The following PRSS12 variants were observed in gnomAD, a reference collection of about 807,000 sequenced individuals.
PRSS12 encodes serine protease 12.
In PRSS12, 85 loss-of-function variants were observed where a neutral mutation model predicts 104.4. The ratio of observed to expected loss-of-function variants is 0.81; its 90% CI spans 0.68 to 0.98. The LOEUF (loss-of-function observed/expected upper bound fraction) is 0.98. PRSS12 is among the 50% of genes least tolerant of loss of function. PRSS12 has a pLI of 0.00. For synonymous variants in PRSS12, 454 were observed against 425.2 expected, an observed-to-expected ratio of 1.07 and a Z score of -0.83; for missense variants, 1,141 against 1,139.2, an observed-to-expected ratio of 1.00 and a Z score of -0.02.
chr4:118,336,871 C>T (rs548387470), intron 2 of PRSS12, among the ~76,000 whole-genome samples: 1 of 152,254 alleles, frequency 6.6e-6, no homozygotes, highest in East Asian at 1.9e-4. Context: ...AATCATCATT[C>T]TTTGTGACCT....
At chr4:118,311,167 T>C (rs1743713096) in intron 7 of PRSS12, among the ~76,000 whole-genome samples, 1 of 152,162 alleles carries the variant, frequency 6.6e-6, no homozygotes. Context: ...CTCTGAACTT[T>C]AGAATTAATG....
rs1181973142 is a variant in PRSS12, at chr4:118,352,322, C to A, written c.399G>T (p.Gln133His). The change falls in exon 1 of 13, where the codon CAG becomes CAT. Residue 133 changes from glutamine (Q) to histidine (H), a missense_variant. By Grantham distance (24) the Gln-to-His change is conservative. Transcript: ENST00000296498. ...PPASWAQLRGQRHNFCRSPDG... is the reference protein window; with the variant it reads ...PPASWAQLRGHRHNFCRSPDG... ...CGGGGCTCCGACAAAAGTTGTGGCG[C>A]TGTCCTCGCAGCTGAGCCCAGCTCG... is the stretch of plus-strand genomic sequence containing the variant. 6.3e-7 allele frequency: 1 copy of A among 1,593,578 alleles called. No individual in the cohort carries two copies.
At chr4:118,289,967 T>C (rs1743093765) in intron 11 of PRSS12, among the ~76,000 whole-genome samples, 1 of 152,212 alleles carries the variant, frequency 6.6e-6, no homozygotes, top group African/African-American at 2.4e-5. Context: ...ATGGAAGGAA[T>C]TATCTGTTGA....
intron 8 of PRSS12, among the ~76,000 whole-genome samples, chr4:118,304,177 T>C (rs904842620): frequency 2.6e-5 from 4 of 151,952 alleles, no homozygotes; most frequent in Non-Finnish European, 5.9e-5. Flanking sequence ...TGTATGTGTG[T>C]ATGTGTGCAT....
At chr4:118,341,512 G>A (rs1485881876) in intron 1 of PRSS12, among the ~76,000 whole-genome samples, 10 of 151,884 alleles carry the variant, frequency 6.6e-5, no homozygotes, top group African/African-American at 2.2e-4. Context: ...GAGAAACCCC[G>A]TCTCTACTAA....
chr4:118,314,764 T>C (rs1743861486), intron 6 of PRSS12, among the ~76,000 whole-genome samples: 1 of 152,062 alleles, frequency 6.6e-6, no homozygotes, highest in Non-Finnish European at 1.5e-5. Flanking sequence ...TGCATAGATT[T>C]GTGAAACAAA....
chr4:118,298,092 C>T (rs542831721), intron 9 of PRSS12, among the ~76,000 whole-genome samples: 1 of 148,416 alleles, frequency 6.7e-6, no homozygotes, highest in Non-Finnish European at 1.5e-5. Context: ...GAGTCAAGAT[C>T]GTGCCACTGC....
intron 5 of PRSS12, among the ~76,000 whole-genome samples, chr4:118,316,835 A>AT (rs1553956369): frequency 7.8e-4 from 27 of 34,538 alleles, no homozygotes; most frequent in African/African-American, 1.8e-3. Flanking sequence ...GAAAAAAAAA[A>AT]AAATATATAT....
intron 9 of PRSS12, among the ~76,000 whole-genome samples, chr4:118,296,634 G>C (rs925910643): frequency 2.6e-5 from 4 of 152,044 alleles, no homozygotes; most frequent in Non-Finnish European, 4.4e-5. Flanking sequence ...TTCTATCTAA[G>C]AGGAGGAGGG....
In PRSS12 at chr4:118,281,858, C is replaced by A; in HGVS notation, c.*78G>T. 2.5e-6 allele frequency: 2 copies of A among 802,772 alleles called. No individual in the cohort carries two copies. The highest frequency in any genetic ancestry group is 2.7e-5 in the South Asian group (2 of 74,434). 49.7% of individuals were successfully genotyped at this position (802,772 alleles called of 1,614,324 possible). ...AAAAACAGATCTTGCCATTTGTTGT[C>A]ATCTCTGCTGAGTGCTAATAGTGGG... On this transcript the variant is annotated 3_prime_UTR_variant, in exon 13 of 13. Transcript: ENST00000296498.
At chr4:118,307,512 T>C (rs180866626) in intron 8 of PRSS12, among the ~76,000 whole-genome samples, 44 of 152,338 alleles carry the variant, frequency 2.9e-4, no homozygotes, top group Non-Finnish European at 2.9e-4. Context: ...ATATACATAT[T>C]ATCTTAAATT....
At chr4:118,348,978 G>T (rs1230975169) in intron 1 of PRSS12, among the ~76,000 whole-genome samples, 2 of 151,894 alleles carry the variant, frequency 1.3e-5, no homozygotes, top group African/African-American at 2.4e-5. Flanking sequence ...GTATTAATTT[G>T]CAAGTTTCAT....
At chr4:118,332,251 T>A (rs575377790) in intron 3 of PRSS12, among the ~76,000 whole-genome samples, 1 of 152,230 alleles carries the variant, frequency 6.6e-6, no homozygotes, top group Non-Finnish European at 1.5e-5. Context: ...TATGTCATTA[T>A]TAAGAATGAC....
chr4:118,300,886 G>GT (rs1337410534), intron 8 of PRSS12, among the ~76,000 whole-genome samples: 1 of 151,934 alleles, frequency 6.6e-6, no homozygotes, highest in Admixed American at 6.6e-5. Flanking sequence ...ATCAAACTTT[G>GT]GCAAAGAAAA....
In PRSS12 at chr4:118,335,206, T is replaced by TAA. The variant is rs537381854; in HGVS notation, c.820+265_820+266dup. ...TACAATATATTATACAGTATATATA[T>TAA]AACCTATAGAATATACATATTTATT... On this transcript the variant is annotated intron_variant, in intron 3 of 12. Coordinates refer to ENST00000296498, the MANE Select transcript of PRSS12 (RefSeq NM_003619.4). 1.7e-3 allele frequency among the ~76,000 whole-genome samples: 256 copies of TAA among 152,112 alleles called. 1 individual carries two copies. The highest frequency in any genetic ancestry group is 0.01 in the Middle Eastern group (3 of 294).
chr4:118,349,135 C>T (rs1724429391), intron 1 of PRSS12, among the ~76,000 whole-genome samples: 1 of 152,118 alleles, frequency 6.6e-6, no homozygotes, highest in Non-Finnish European at 1.5e-5. Flanking sequence ...CACCAACTTC[C>T]TCATTTTTCT....
At chr4:118,326,419 T>A (rs530073327) in intron 4 of PRSS12, among the ~76,000 whole-genome samples, 1 of 152,176 alleles carries the variant, frequency 6.6e-6, no homozygotes, top group Non-Finnish European at 1.5e-5. Flanking sequence ...AATTTACTGA[T>A]AAGGAAACAG....
rs1374826715 is a variant in PRSS12, at chr4:118,312,590, C to T, written c.1489+611G>A. On this transcript the variant is annotated intron_variant, in intron 7 of 12. Coordinates refer to ENST00000296498, the MANE Select transcript of PRSS12 (RefSeq NM_003619.4). ...TCAATACAGTTAGAGGAGCTAGTTA[C>T]CTTTTATCCAAAAAGTCTAAAAAAA... Among the ~76,000 whole-genome samples, 5 of 152,098 alleles carry T rather than the reference C, an allele frequency of 3.3e-5. 1 individual carries two copies. The South Asian group carries it at 8.3e-4, about 25-fold the overall frequency.
chr4:118,315,412 CTA>C (rs1177511063), intron 6 of PRSS12, among the ~76,000 whole-genome samples: 1 of 151,942 alleles, frequency 6.6e-6, no homozygotes, highest in African/African-American at 2.4e-5. Flanking sequence ...TTGAATGAAG[CTA>C]TGTTTTTAAA....
Sources: gnomAD v4.1 joint callset for allele counts (sites outside exome capture counted in the v4.1 genomes callset) on GRCh38, gnomAD v4.1.1 for gene constraint, MANE v1.5 for transcripts, NCBI Gene and HGNC (gene_info 2026-07-23, HGNC 2026-07-21) for gene names.